Variants in NDST4 observed in about 807,000 individuals in gnomAD.
NDST4 encodes N-deacetylase and N-sulfotransferase 4.
NDST4 carries 63 observed loss-of-function variants against 100.8 expected under a neutral mutation model. The ratio of observed to expected loss-of-function variants is 0.62; its 90% CI spans 0.51 to 0.77. NDST4 has a LOEUF of 0.77. Ranked by LOEUF, NDST4 falls within the 30% of genes least tolerant of loss-of-function variation. The pLI, the probability that NDST4 is intolerant of heterozygous loss-of-function variation, is 0.00. For synonymous variants in NDST4, 377 were observed against 361.8 expected (o/e 1.04, Z -0.48); for missense variants, 943 against 1,018.4 (o/e 0.93, Z 1.01).
chr4:114,938,324 C>A (rs990739692), intron 4 of NDST4, among the ~76,000 whole-genome samples: 2 of 152,142 alleles, frequency 1.3e-5, no homozygotes, highest in African/African-American at 4.8e-5. Context: ...TCTTACACTT[C>A]ACTATGAGAT....
chr4:114,943,682 G>A (rs1162790308), intron 4 of NDST4, among the ~76,000 whole-genome samples: 1 of 152,100 alleles, frequency 6.6e-6, no homozygotes. Flanking sequence ...ATTCCAAACA[G>A]TATACTAGAG....
At chr4:115,055,761 G>A (rs183330284) in intron 2 of NDST4, among the ~76,000 whole-genome samples, 2 of 152,162 alleles carry the variant, frequency 1.3e-5, no homozygotes, top group Admixed American at 1.3e-4. Context: ...ATAGATAAAG[G>A]GTAAGCTGGC....
chr4:114,856,275 GCTGGT>G (rs1321091646), intron 7 of NDST4, among the ~76,000 whole-genome samples: 6 of 152,020 alleles, frequency 3.9e-5, no homozygotes, highest in African/African-American at 1.4e-4. Flanking sequence ...TGTTGCTCAG[GCTGGT>G]CTGGAACTAC....
intron 2 of NDST4, among the ~76,000 whole-genome samples, chr4:115,033,157 A>ATAT (rs1491126767): frequency 1.1e-3 from 66 of 59,938 alleles, no homozygotes; most frequent in African/African-American, 1.4e-3. Context: ...ATATATATAT[A>ATAT]TTTTTTTTTT....
chr4:115,079,363 GAAAAAA>G (rs199667475), intron 1 of NDST4, among the ~76,000 whole-genome samples: 2 of 77,746 alleles, frequency 2.6e-5, no homozygotes, highest in African/African-American at 7.8e-5. Context: ...CTCTGTCTCA[GAAAAAA>G]AAAAAAAAAA....
chr4:114,999,905 G>A (rs949532966), intron 2 of NDST4, among the ~76,000 whole-genome samples: 1 of 151,816 alleles, frequency 6.6e-6, no homozygotes, highest in Non-Finnish European at 1.5e-5. Flanking sequence ...ATCAGTGAAG[G>A]ACCTATACTT....
chr4:114,867,088 G>A (rs1346282218), intron 7 of NDST4, among the ~76,000 whole-genome samples: 2 of 152,086 alleles, frequency 1.3e-5, no homozygotes, highest in Non-Finnish European at 2.9e-5. Context: ...CTTAGAACAA[G>A]GCATTTCACT....
At chr4:115,022,441 A>ATG (rs1207097435) in intron 2 of NDST4, among the ~76,000 whole-genome samples, 2 of 105,166 alleles carry the variant, frequency 1.9e-5, no homozygotes, top group African/African-American at 6.6e-5. Flanking sequence ...TTCCATATAT[A>ATG]TGTGTTCCAT....
intron 2 of NDST4, among the ~76,000 whole-genome samples, chr4:115,018,371 C>A (rs1727735650): frequency 6.6e-6 from 1 of 151,844 alleles, no homozygotes; most frequent in Non-Finnish European, 1.5e-5. Flanking sequence ...GTTTTGTTTA[C>A]AAAATCTCTT....
intron 6 of NDST4, among the ~76,000 whole-genome samples, chr4:114,887,788 G>A (rs968140396): frequency 3.3e-5 from 5 of 151,966 alleles, no homozygotes; most frequent in African/African-American, 1.2e-4. Flanking sequence ...TTAGACTACT[G>A]GTAAGCAGGA....
intron 6 of NDST4, among the ~76,000 whole-genome samples, chr4:114,899,010 C>A (rs1010714220): frequency 2.6e-5 from 4 of 151,988 alleles, no homozygotes; most frequent in African/African-American, 9.7e-5. Flanking sequence ...GTATACCTTT[C>A]GTTTCCTTTC....
chr4:114,893,434 A>T (rs1257188544), intron 6 of NDST4, among the ~76,000 whole-genome samples: 1 of 152,150 alleles, frequency 6.6e-6, no homozygotes, highest in African/African-American at 2.4e-5. Flanking sequence ...AATAATTGCC[A>T]TTCTGACTGG....
intron 2 of NDST4, among the ~76,000 whole-genome samples, chr4:115,019,001 A>G (rs1008739572): frequency 2.0e-5 from 3 of 151,968 alleles, no homozygotes; most frequent in Non-Finnish European, 4.4e-5. Flanking sequence ...CTACTTCTTT[A>G]TAGCTCTCTC....
At chr4:114,880,291 T>G (rs1263630585) in intron 6 of NDST4, among the ~76,000 whole-genome samples, 1 of 152,172 alleles carries the variant, frequency 6.6e-6, no homozygotes, top group Non-Finnish European at 1.5e-5. Flanking sequence ...TCATGGCAAT[T>G]ACATTTTAGA....
intron 1 of NDST4, among the ~76,000 whole-genome samples, chr4:115,078,328 G>A (rs989676913): frequency 6.6e-6 from 1 of 152,104 alleles, no homozygotes; most frequent in Admixed American, 6.6e-5. Context: ...TAGAAGACAG[G>A]AAGATGAGGA....
intron 2 of NDST4, among the ~76,000 whole-genome samples, chr4:115,025,338 C>T (rs907033747): frequency 6.6e-6 from 1 of 152,130 alleles, no homozygotes; most frequent in Non-Finnish European, 1.5e-5. Flanking sequence ...GAGATTTATG[C>T]TACTCGGATT....
intron 2 of NDST4, among the ~76,000 whole-genome samples, chr4:115,004,759 A>G (rs1727377217): frequency 6.6e-6 from 1 of 152,192 alleles, no homozygotes; most frequent in Non-Finnish European, 1.5e-5. Flanking sequence ...TTAGTACTTA[A>G]TATTTCATCC....
At chr4:114,930,536 G>A (rs1228487412) in intron 6 of NDST4, among the ~76,000 whole-genome samples, 6 of 152,110 alleles carry the variant, frequency 3.9e-5, no homozygotes, top group South Asian at 2.1e-4. Flanking sequence ...TTTAGGAATT[G>A]AAAATAGTGT....
intron 2 of NDST4, among the ~76,000 whole-genome samples, chr4:114,999,453 T>C (rs2620409): frequency 0.41 from 62,234 of 151,950 alleles, 13,767 homozygotes; most frequent in African/African-American, 0.58. Flanking sequence ...GGATTGATTC[T>C]GCTTGCACAG....
Sources: gnomAD v4.1 joint callset for allele counts (sites outside exome capture counted in the v4.1 genomes callset) on GRCh38, gnomAD v4.1.1 for gene constraint, MANE v1.5 for transcripts, NCBI Gene and HGNC (gene_info 2026-07-23, HGNC 2026-07-21) for gene names.